Variants in NBAS observed in about 807,000 individuals in gnomAD.
NBAS encodes NBAS subunit of NRZ tethering complex, also known as NAG/BC035112 fusion.
NBAS carries 219 observed loss-of-function variants against 302.5 expected under a neutral mutation model. The ratio of observed to expected loss-of-function variants is 0.72; its 90% CI spans 0.65 to 0.81. NBAS has a LOEUF of 0.81. Ranked by LOEUF, NBAS falls within the 30% of genes least tolerant of loss-of-function variation. The probability of loss-of-function intolerance (pLI) is 0.00; values close to 1 mark genes in which losing one functional copy is unlikely to be tolerated. For missense variants in NBAS, 2,932 were observed against 2,841.6 expected (o/e 1.03, Z -0.72); for synonymous variants, 1,118 against 1,021.6 (o/e 1.09, Z -1.80).
the NBAS span, among the ~76,000 whole-genome samples, chr2:15,026,983 T>C: frequency 2.0e-5 from 3 of 152,154 alleles, no homozygotes; most frequent in African/African-American, 7.2e-5. Context: ...ATAAACTAAT[T>C]CTATATTCAC....
intron 35 of NBAS, among the ~76,000 whole-genome samples, chr2:15,346,101 A>T (rs1673075503): frequency 6.6e-6 from 1 of 152,206 alleles, no homozygotes. Flanking sequence ...GCAAGGGCAA[A>T]GACTTCATGA....
chr2:14,989,321 A>G, the NBAS span, among the ~76,000 whole-genome samples: 4 of 57,744 alleles, frequency 6.9e-5, no homozygotes, highest in Admixed American at 1.9e-4. Flanking sequence ...GTGTGTGTGT[A>G]TAACTTTATA....
chr2:14,969,998 TA>T, the NBAS span, among the ~76,000 whole-genome samples: 9 of 152,308 alleles, frequency 5.9e-5, no homozygotes, highest in East Asian at 1.4e-3. Flanking sequence ...CTTAAACTTT[TA>T]GAAATAAACT....
At chr2:15,075,023 GCA>G in the NBAS span, among the ~76,000 whole-genome samples, 3 of 152,278 alleles carry the variant, frequency 2.0e-5, no homozygotes, top group Non-Finnish European at 4.4e-5. Context: ...ACATTAAAAT[GCA>G]CACACTCTTC....
At chr2:14,799,818 G>A in the NBAS span, among the ~76,000 whole-genome samples, 1 of 152,164 alleles carries the variant, frequency 6.6e-6, no homozygotes, top group African/African-American at 2.4e-5. Flanking sequence ...AAAAATTATA[G>A]TCTATCTCCA....
At chr2:15,332,600 C>A (rs1052006265) in intron 35 of NBAS, among the ~76,000 whole-genome samples, 1 of 150,550 alleles carries the variant, frequency 6.6e-6, no homozygotes, top group Admixed American at 6.6e-5. Context: ...CAAAAACCAT[C>A]AACTCAATAC....
intron 28 of NBAS, among the ~76,000 whole-genome samples, chr2:15,393,426 C>T (rs958419102): frequency 6.6e-6 from 1 of 151,972 alleles, no homozygotes; most frequent in African/African-American, 2.4e-5. Context: ...ACTGACCACA[C>T]CAAATGTTGA....
At chr2:14,789,313 G>A in the NBAS span, among the ~76,000 whole-genome samples, 115 of 152,256 alleles carry the variant, frequency 7.6e-4, no homozygotes, top group African/African-American at 2.1e-3. Context: ...ACCCTGCTTC[G>A]GCTGGCACAT....
At chr2:15,236,612 T>C (rs563963761) in intron 45 of NBAS, among the ~76,000 whole-genome samples, 8 of 150,504 alleles carry the variant, frequency 5.3e-5, no homozygotes, top group African/African-American at 1.5e-4. Flanking sequence ...ATATAGTATA[T>C]TAAAAAATAA....
At chr2:15,467,478 T>C in intron 18 of NBAS, 71 bp from the exon 19 acceptor site, 2 of 1,419,758 alleles carry the variant, frequency 1.4e-6, no homozygotes, top group South Asian at 1.2e-5. Flanking sequence ...ATAATGAAAA[T>C]GATTAATATT....
At chr2:15,250,292 C>T (rs917896058) in intron 44 of NBAS, among the ~76,000 whole-genome samples, 4 of 152,156 alleles carry the variant, frequency 2.6e-5, no homozygotes, top group African/African-American at 9.7e-5. Context: ...CCCTTCCTTA[C>T]ACTTTAAACA....
chr2:14,780,828 C>G, the NBAS span, among the ~76,000 whole-genome samples: 1 of 152,176 alleles, frequency 6.6e-6, no homozygotes, highest in African/African-American at 2.4e-5. Flanking sequence ...CTCCAATAGA[C>G]TTGGAGCTTC....
At chr2:14,916,272 G>A in the NBAS span, among the ~76,000 whole-genome samples, 1 of 152,104 alleles carries the variant, frequency 6.6e-6, no homozygotes, top group Non-Finnish European at 1.5e-5. Flanking sequence ...AAAATGATAA[G>A]CTTCAATTAG....
intron 44 of NBAS, among the ~76,000 whole-genome samples, chr2:15,252,949 T>G (rs1668430208): frequency 6.6e-6 from 1 of 151,808 alleles, no homozygotes; most frequent in Non-Finnish European, 1.5e-5. Flanking sequence ...GAAAAAAAAT[T>G]GTTTTAGAAA....
At chr2:15,017,016 A>T in the NBAS span, among the ~76,000 whole-genome samples, 1 of 152,124 alleles carries the variant, frequency 6.6e-6, no homozygotes, top group African/African-American at 2.4e-5. Flanking sequence ...TAGTTATTTT[A>T]AAATGCACTG....
At position 15,249,965 on chromosome 2, in the gene NBAS, T is replaced by C. The variant is rs982626385; in HGVS notation, c.5725-11279A>G. ...TCACAGAAGTGGAAAAAAACTACTTTAAATTTCATATGGAACCAAAAAAGA... is the reference window on the plus strand; with the variant it reads ...TCACAGAAGTGGAAAAAAACTACTTCAAATTTCATATGGAACCAAAAAAGA... On this transcript the variant is annotated intron_variant, in intron 44 of 51. Coordinates refer to ENST00000281513, the MANE Select transcript of NBAS (RefSeq NM_015909.4). Among the ~76,000 whole-genome samples the C allele has an allele frequency of 2.0e-5, 3 of 152,302 alleles. No individual in the cohort carries two copies. In the South Asian group the frequency reaches 6.2e-4, roughly 32 times the overall value.
At chr2:14,861,130 T>C in the NBAS span, among the ~76,000 whole-genome samples, 7,472 of 152,284 alleles carry the variant, frequency 0.049, 610 homozygotes, top group African/African-American at 0.17. Flanking sequence ...GTCAGTAATA[T>C]AATCTTCTTG....
At chr2:15,035,396 C>T in the NBAS span, among the ~76,000 whole-genome samples, 53 of 152,144 alleles carry the variant, frequency 3.5e-4, no homozygotes, top group East Asian at 8.9e-3. Context: ...TTGGTGGGAA[C>T]GTAAGTCAGT....
chr2:15,346,646 T>A lies in NBAS; in HGVS notation c.4179+5346A>T, dbSNP rs184212593. The stretch of plus-strand genomic sequence containing the variant: ...ATGCCATTTGACCTAGTAATCTCAT[T>A]ACTCAGTATATACTCAAAGGAATGT... On this transcript the variant is annotated intron_variant, in intron 35 of 51. Transcript: ENST00000281513. Among the ~76,000 whole-genome samples the A allele has an allele frequency of 3.5e-3, 538 of 152,298 alleles. 4 individuals carry two copies. Among genetic ancestry groups the A allele is most frequent in the African/African-American group, 7.9e-3 (327 of 41,550 alleles).
Sources: gnomAD v4.1 joint callset for allele counts (sites outside exome capture counted in the v4.1 genomes callset) on GRCh38, gnomAD v4.1.1 for gene constraint, MANE v1.5 for transcripts, NCBI Gene and HGNC (gene_info 2026-07-23, HGNC 2026-07-21) for gene names.